MAP2K1: variants seen among roughly 807,000 people sequenced by gnomAD.
The protein encoded by MAP2K1 is mitogen-activated protein kinase kinase 1, also known as dual specificity mitogen-activated protein kinase kinase 1.
MAP2K1 carries 16 observed loss-of-function variants against 46.3 expected under a neutral mutation model. The ratio of observed to expected loss-of-function variants is 0.35; its 90% CI spans 0.23 to 0.52. The LOEUF is 0.52. Among genes scored for constraint, MAP2K1 ranks in the 20% least tolerant of loss-of-function variants. MAP2K1 has a pLI of 0.94. For synonymous variants in MAP2K1, 183 were observed against 185.6 expected, an observed-to-expected ratio of 0.99 and a Z score of 0.11; for missense variants, 263 against 497.1, an observed-to-expected ratio of 0.53 and a Z score of 4.48.
intron 1 of MAP2K1, among the ~76,000 whole-genome samples, chr15:66,390,118 T>G (rs1487716554): frequency 6.6e-6 from 1 of 152,168 alleles, no homozygotes; most frequent in Non-Finnish European, 1.5e-5. Flanking sequence ...TTCTGGACAA[T>G]CAACTCTCCC....
chr15:66,427,583 A>G (rs2093462461), intron 1 of MAP2K1, among the ~76,000 whole-genome samples: 1 of 151,974 alleles, frequency 6.6e-6, no homozygotes, highest in Admixed American at 6.6e-5. Context: ...TAATAATAAC[A>G]TTTGATAGTA....
intron 1 of MAP2K1, among the ~76,000 whole-genome samples, chr15:66,392,557 T>C (rs557458895): frequency 6.0e-5 from 9 of 148,964 alleles, no homozygotes; most frequent in Non-Finnish European, 9.0e-5. Context: ...TTCTTTTCTT[T>C]TTTTTTTTTT....
chr15:66,413,902 C>A (rs977967494), intron 1 of MAP2K1, among the ~76,000 whole-genome samples: 1 of 79,908 alleles, frequency 1.3e-5, no homozygotes, highest in Non-Finnish European at 2.5e-5. Context: ...TTATTTTTTT[C>A]TTCTTCTTCT....
intron 1 of MAP2K1, among the ~76,000 whole-genome samples, chr15:66,410,046 T>C (rs1444564228): frequency 6.6e-6 from 1 of 152,196 alleles, no homozygotes; most frequent in Non-Finnish European, 1.5e-5. Flanking sequence ...ATGAAGAGGT[T>C]GAGGCCCAGA....
At chr15:66,391,552 G>A (rs2093356275) in intron 1 of MAP2K1, among the ~76,000 whole-genome samples, 1 of 152,296 alleles carries the variant, frequency 6.6e-6, no homozygotes, top group African/African-American at 2.4e-5. Flanking sequence ...GATTACAGGC[G>A]TGAGCCACTG....
At chr15:66,489,973 A>T (rs915328048) in intron 10 of MAP2K1, 2 of 629,138 alleles carry the variant, frequency 3.2e-6, no homozygotes, top group Non-Finnish European at 5.7e-6. Flanking sequence ...CTGAGTAAGC[A>T]TATGCCAGAG....
chr15:66,466,679 CA>C (rs1020722416), intron 5 of MAP2K1, among the ~76,000 whole-genome samples: 2 of 151,756 alleles, frequency 1.3e-5, no homozygotes, highest in Admixed American at 1.3e-4. Context: ...GACTGCATCT[CA>C]AAAAAACAAA....
intron 1 of MAP2K1, among the ~76,000 whole-genome samples, chr15:66,414,345 T>G (rs376867448): frequency 1.7e-5 from 2 of 119,284 alleles, no homozygotes; most frequent in Non-Finnish European, 4.0e-5. Context: ...TCAGGTTCCA[T>G]AGTTTGCTAG....
At chr15:66,483,105 G>T (rs1015237520) in intron 6 of MAP2K1, among the ~76,000 whole-genome samples, 1 of 152,180 alleles carries the variant, frequency 6.6e-6, no homozygotes, top group Non-Finnish European at 1.5e-5. Context: ...GCTGAGCCAG[G>T]ATTGAAAGCT....
intron 1 of MAP2K1, among the ~76,000 whole-genome samples, chr15:66,406,884 T>G (rs138061956): frequency 0.019 from 2,844 of 151,984 alleles, 41 homozygotes; most frequent in Middle Eastern, 0.065. Flanking sequence ...TACAAAAAAT[T>G]AGCCGGGCGT....
chr15:66,453,168 TTATTTC>T (rs2140619551), intron 5 of MAP2K1, among the ~76,000 whole-genome samples: 1 of 152,306 alleles, frequency 6.6e-6, no homozygotes, highest in East Asian at 1.9e-4. Context: ...ACCTCTAACT[TTATTTC>T]CATTCCAAGG....
At chr15:66,427,285 G>A (rs979522091) in intron 1 of MAP2K1, among the ~76,000 whole-genome samples, 7 of 152,090 alleles carry the variant, frequency 4.6e-5, no homozygotes, top group Non-Finnish European at 8.8e-5. Flanking sequence ...TTGGGCTGGG[G>A]GTGGTGGCTC....
Position 66,490,509 on chromosome 15 carries a change from C to A in MAP2K1, c.1076C>A (p.Ala359Asp). Residue 359 changes from alanine (A) to aspartate (D), a missense_variant, in exon 11 of 11, where the codon GCT (alanine) becomes GAT (aspartate). Transcript: ENST00000307102. ...RADLKQLMVHAFIKRSDAEEV... is the reference protein window; with the variant it reads ...RADLKQLMVHDFIKRSDAEEV... The stretch of plus-strand genomic sequence containing the variant: ...TCGTTTCCTTACATGCAGGTTCATG[C>A]TTTTATCAAGAGATCTGATGCTGAG... 1 of 1,612,132 alleles carries A rather than the reference C, an allele frequency of 6.2e-7. No individual in the cohort carries two copies. Among genetic ancestry groups the A allele is most frequent in the African/African-American group, 1.3e-5 (1 of 75,004 alleles).
chr15:66,400,192 T>G (rs1408787557), intron 1 of MAP2K1, among the ~76,000 whole-genome samples: 2 of 152,030 alleles, frequency 1.3e-5, no homozygotes, highest in East Asian at 1.9e-4. Context: ...TGCTGGCTTT[T>G]CTTTTCTTTT....
intron 5 of MAP2K1, among the ~76,000 whole-genome samples, chr15:66,445,883 T>C (rs917215585): frequency 2.0e-5 from 3 of 151,986 alleles, no homozygotes; most frequent in Non-Finnish European, 4.4e-5. Flanking sequence ...TTTTTTTTTT[T>C]CAAGAGCACA....
chr15:66,407,507 T>C (rs1235814287), intron 1 of MAP2K1, among the ~76,000 whole-genome samples: 2 of 152,200 alleles, frequency 1.3e-5, no homozygotes, highest in Non-Finnish European at 2.9e-5. Context: ...TCAGGTTTTT[T>C]CTCTGCAAAG....
At chr15:66,434,878 GC>G (rs2093483492) in intron 1 of MAP2K1, 148 bp from the exon 2 acceptor site, 1 of 707,098 alleles carries the variant, frequency 1.4e-6, no homozygotes, top group East Asian at 2.7e-5. Flanking sequence ...AGTGGGCAGA[GC>G]CACAGTGGGA....
At chr15:66,396,921 T>C (rs1343372757) in intron 1 of MAP2K1, among the ~76,000 whole-genome samples, 2 of 150,450 alleles carry the variant, frequency 1.3e-5, no homozygotes, top group East Asian at 2.0e-4. Context: ...CTGACCTCAG[T>C]TGATCTGCCC....
chr15:66,390,884 G>A (rs1048656489), intron 1 of MAP2K1, among the ~76,000 whole-genome samples: 2 of 151,800 alleles, frequency 1.3e-5, no homozygotes, highest in Admixed American at 6.6e-5. Flanking sequence ...TGGTCTATAC[G>A]CACTGCAGGC....
Sources: allele counts gnomAD v4.1 joint callset (sites outside exome capture counted in the v4.1 genomes callset), GRCh38; gene constraint gnomAD v4.1.1; transcripts MANE v1.5; gene names NCBI Gene and HGNC (gene_info 2026-07-23, HGNC 2026-07-21).